Variants in SESN1 observed in about 807,000 individuals in gnomAD.
SESN1 encodes sestrin 1.
A neutral mutation model predicts 59.3 loss-of-function variants in SESN1; 30 were observed. That is an observed-to-expected ratio of 0.51 (90% confidence interval 0.38 to 0.69). SESN1 has a LOEUF of 0.69. Ranked by LOEUF, SESN1 falls within the 30% of genes least tolerant of loss-of-function variation. The pLI, the probability that SESN1 is intolerant of heterozygous loss-of-function variation, is 0.00. For synonymous variants in SESN1, 197 were observed against 219.9 expected, an observed-to-expected ratio of 0.90 and a Z score of 0.92; for missense variants, 566 against 673.0, an observed-to-expected ratio of 0.84 and a Z score of 1.76.
At chr6:108,996,328 G>A (rs1386391442) in intron 5 of SESN1, among the ~76,000 whole-genome samples, 1 of 152,076 alleles carries the variant, frequency 6.6e-6, no homozygotes, top group African/African-American at 2.4e-5. Context: ...TTTCTATGAC[G>A]ATACTGAAGA....
intron 1 of SESN1, among the ~76,000 whole-genome samples, chr6:109,073,399 A>G (rs1406465885): frequency 6.6e-6 from 1 of 152,204 alleles, no homozygotes; most frequent in Non-Finnish European, 1.5e-5. Flanking sequence ...GGAAACACTA[A>G]ATCAGTTAAG....
chr6:108,990,563 CTA>C (rs1722870307), intron 8 of SESN1, 80 bp downstream of exon 8: 1 of 1,218,534 alleles, frequency 8.2e-7, no homozygotes, highest in African/African-American at 1.5e-5. Context: ...ATGTGTGTGT[CTA>C]TGTGCATGTG....
At chr6:109,055,506 C>G (rs540074730) in intron 1 of SESN1, among the ~76,000 whole-genome samples, 1 of 151,166 alleles carries the variant, frequency 6.6e-6, no homozygotes, top group Admixed American at 6.6e-5. Flanking sequence ...ACTAAAAATA[C>G]CAAAAAATTA....
chr6:109,087,172 G>A (rs887399222), intron 1 of SESN1, among the ~76,000 whole-genome samples: 17 of 151,894 alleles, frequency 1.1e-4, no homozygotes, highest in South Asian at 4.1e-4. Flanking sequence ...TAAAATAGAC[G>A]AAATCTGAAC....
At chr6:109,079,194 G>GAAAA (rs200879750) in intron 1 of SESN1, among the ~76,000 whole-genome samples, 6 of 144,074 alleles carry the variant, frequency 4.2e-5, no homozygotes, top group African/African-American at 5.1e-5. Context: ...GTGCTAAACT[G>GAAAA]AAAAAAAAAA....
chr6:109,003,912 T>C (rs779186331), intron 1 of SESN1, among the ~76,000 whole-genome samples: 15 of 152,222 alleles, frequency 9.9e-5, no homozygotes, highest in Non-Finnish European at 1.5e-4. Context: ...CTAATTTCTT[T>C]AATCTTGAAA....
intron 1 of SESN1, among the ~76,000 whole-genome samples, chr6:109,042,704 G>T (rs1780361247): frequency 6.6e-6 from 1 of 151,850 alleles, no homozygotes; most frequent in Non-Finnish European, 1.5e-5. Flanking sequence ...TAAGAAAATT[G>T]AATTTGTGAT....
intron 1 of SESN1, among the ~76,000 whole-genome samples, chr6:109,036,766 G>A (rs890875418): frequency 1.3e-5 from 2 of 152,060 alleles, no homozygotes; most frequent in African/African-American, 4.8e-5. Flanking sequence ...TTCCAGTGGC[G>A]CTATTATTCT....
At chr6:109,067,458 G>C (rs981703578) in intron 1 of SESN1, among the ~76,000 whole-genome samples, 1 of 152,178 alleles carries the variant, frequency 6.6e-6, no homozygotes, top group Non-Finnish European at 1.5e-5. Context: ...CGCTAAGTAA[G>C]ATAACTGTCC....
At chr6:109,022,650 G>A (rs969034224) in intron 1 of SESN1, among the ~76,000 whole-genome samples, 8 of 151,736 alleles carry the variant, frequency 5.3e-5, no homozygotes, top group African/African-American at 9.7e-5. Context: ...TCCTGACCTC[G>A]TGATCTGTCC....
At chr6:109,089,312 C>G (rs556411005) in intron 1 of SESN1, among the ~76,000 whole-genome samples, 9 of 152,288 alleles carry the variant, frequency 5.9e-5, no homozygotes, top group African/African-American at 1.9e-4. Context: ...AAATGGTAGG[C>G]AGTGAAGCTG....
chr6:109,070,132 T>C (rs917890965), intron 1 of SESN1, among the ~76,000 whole-genome samples: 1 of 152,152 alleles, frequency 6.6e-6, no homozygotes, highest in Non-Finnish European at 1.5e-5. Context: ...ACAAAATACT[T>C]TCACGTGATT....
chr6:109,009,373 G>A, intron 1 of SESN1: 2 of 1,468,440 alleles, frequency 1.4e-6, no homozygotes, highest in Non-Finnish European at 9.0e-7. Flanking sequence ...TCCTGGTCGC[G>A]GCCCCCGCCG....
chr6:109,042,012 A>T (rs1466522001), intron 1 of SESN1, among the ~76,000 whole-genome samples: 2 of 152,162 alleles, frequency 1.3e-5, no homozygotes, highest in Non-Finnish European at 2.9e-5. Flanking sequence ...CTCTGATCAT[A>T]ACGAAATCAC....
intron 1 of SESN1, among the ~76,000 whole-genome samples, chr6:109,042,991 T>C (rs1780365862): frequency 6.6e-6 from 1 of 152,130 alleles, no homozygotes; most frequent in Non-Finnish European, 1.5e-5. Context: ...AAAAGCATTA[T>C]ATATCAAGAT....
At chr6:108,991,307 T>A (rs1375748217) in intron 7 of SESN1, among the ~76,000 whole-genome samples, 1 of 152,110 alleles carries the variant, frequency 6.6e-6, no homozygotes, top group African/African-American at 2.4e-5. Flanking sequence ...AATGGTATGA[T>A]CACAGCTCAC....
At chr6:109,049,304 CAT>C (rs1780504654) in intron 1 of SESN1, among the ~76,000 whole-genome samples, 1 of 150,696 alleles carries the variant, frequency 6.6e-6, no homozygotes, top group Non-Finnish European at 1.5e-5. Flanking sequence ...TGTTCTCACT[CAT>C]ATGTGAAAGC....
At chr6:109,060,340 T>C (rs1267918103) in intron 1 of SESN1, among the ~76,000 whole-genome samples, 1 of 152,222 alleles carries the variant, frequency 6.6e-6, no homozygotes, top group African/African-American at 2.4e-5. Flanking sequence ...GATCCACAGA[T>C]CCCATCTTTT....
At chr6:109,041,110 G>A (rs1056309058) in intron 1 of SESN1, among the ~76,000 whole-genome samples, 3 of 151,100 alleles carry the variant, frequency 2.0e-5, no homozygotes, top group African/African-American at 7.3e-5. Context: ...AGATCAGCCT[G>A]GGCAACATAG....
Sources: allele counts gnomAD v4.1 joint callset (sites outside exome capture counted in the v4.1 genomes callset), GRCh38; gene constraint gnomAD v4.1.1; transcripts MANE v1.5; gene names NCBI Gene and HGNC (gene_info 2026-07-23, HGNC 2026-07-21).